The following SEZ6L variants were observed in gnomAD, a reference collection of about 807,000 sequenced individuals.
SEZ6L encodes the protein seizure 6-like protein.
In SEZ6L, 37 loss-of-function variants were observed where a neutral mutation model predicts 106.2. The observed-to-expected ratio is 0.35, with a 90% CI of 0.27 to 0.46. The LOEUF (loss-of-function observed/expected upper bound fraction) is 0.46, where lower values mean the gene tolerates loss of function less well. Among genes scored for constraint, SEZ6L ranks in the 20% least tolerant of loss-of-function variants. The probability of loss-of-function intolerance (pLI) is 1.00; values close to 1 mark genes in which losing one functional copy is unlikely to be tolerated. For missense variants in SEZ6L, 1,172 were observed against 1,332.8 expected (o/e 0.88, Z 1.88); for synonymous variants, 541 against 570.4 (o/e 0.95, Z 0.73).
At chr22:26,294,039 A>T (rs1365344449) in intron 2 of SEZ6L, among the ~76,000 whole-genome samples, 1 of 152,192 alleles carries the variant, frequency 6.6e-6, no homozygotes, top group Non-Finnish European at 1.5e-5. Flanking sequence ...ATCAGTCCCT[A>T]TGAGAATAAG....
chr22:26,373,902 T>C (rs2084127866), intron 14 of SEZ6L, among the ~76,000 whole-genome samples: 1 of 152,208 alleles, frequency 6.6e-6, no homozygotes, highest in Non-Finnish European at 1.5e-5. Flanking sequence ...TGGTCCATTT[T>C]TCCCTGAGTC....
intron 1 of SEZ6L, among the ~76,000 whole-genome samples, chr22:26,242,274 T>C (rs1325568610): frequency 6.6e-6 from 1 of 152,240 alleles, no homozygotes; most frequent in Non-Finnish European, 1.5e-5. Flanking sequence ...GGCTGCTTCC[T>C]GAGATGCTCC....
At chr22:26,232,300 A>T (rs2078821864) in intron 1 of SEZ6L, among the ~76,000 whole-genome samples, 1 of 149,064 alleles carries the variant, frequency 6.7e-6, no homozygotes, top group South Asian at 2.1e-4. Flanking sequence ...AACTCTGAGG[A>T]CCCTCCTGCC....
rs67141647 is a variant in SEZ6L at position 26,240,067 on chromosome 22, G to GACAC, written c.95-52318_95-52315dup. Among the ~76,000 whole-genome samples, 573 of 136,006 alleles carry GACAC rather than the reference G, an allele frequency of 4.2e-3. 1 individual carries two copies. The highest frequency in any genetic ancestry group is 0.015 in the South Asian group (61 of 4,020). 89.2% of individuals were successfully genotyped at this position (136,006 alleles called of 152,430 possible). A position where few individuals can be genotyped will look rare whatever the true frequency, so the allele number is the denominator to read the frequency against. On this transcript the variant is annotated intron_variant, in intron 1 of 16. Coordinates refer to ENST00000248933, the MANE Select transcript of SEZ6L (RefSeq NM_021115.5). ...CTCAACACACACATACACACATACA[G>GACAC]ACACACACACACACACACACACACT...
chr22:26,217,034 A>AC (rs1014293162), intron 1 of SEZ6L, among the ~76,000 whole-genome samples: 4 of 152,178 alleles, frequency 2.6e-5, no homozygotes, highest in Admixed American at 6.5e-5. Context: ...TGGGATTTGA[A>AC]CCCAGGACTT....
chr22:26,202,804 C>A (rs1049948769), intron 1 of SEZ6L, among the ~76,000 whole-genome samples: 5 of 152,178 alleles, frequency 3.3e-5, no homozygotes, highest in Non-Finnish European at 4.4e-5. Context: ...TCTCCACTAA[C>A]TGTAGTATCG....
intron 3 of SEZ6L, 53 bp downstream of exon 3, chr22:26,294,478 A>C: frequency 2.5e-6 from 4 of 1,578,988 alleles, no homozygotes; most frequent in Non-Finnish European, 3.5e-6. Flanking sequence ...AGGAAGTCTC[A>C]GGAGGATTGT....
chr22:26,289,667 C>T (rs937859271), intron 1 of SEZ6L, among the ~76,000 whole-genome samples: 4 of 152,218 alleles, frequency 2.6e-5, no homozygotes, highest in African/African-American at 9.6e-5. Context: ...ATCAATGTTA[C>T]ACAACAGGAA....
At chr22:26,190,983 A>G (rs561217851) in intron 1 of SEZ6L, among the ~76,000 whole-genome samples, 1 of 152,280 alleles carries the variant, frequency 6.6e-6, no homozygotes, top group East Asian at 1.9e-4. Flanking sequence ...TTACTACCTT[A>G]CCTTCTGCAG....
intron 1 of SEZ6L, among the ~76,000 whole-genome samples, chr22:26,277,549 T>G (rs924988675): frequency 6.6e-6 from 1 of 152,254 alleles, no homozygotes; most frequent in African/African-American, 2.4e-5. Context: ...GTTGCCTTCA[T>G]GTTCTTTGCT....
At chr22:26,237,059 T>C (rs1301819503) in intron 1 of SEZ6L, among the ~76,000 whole-genome samples, 1 of 152,200 alleles carries the variant, frequency 6.6e-6, no homozygotes, top group Non-Finnish European at 1.5e-5. Flanking sequence ...GGCAGTGGGA[T>C]GTTGAGTCAC....
At chr22:26,274,291 G>T (rs761971800) in intron 1 of SEZ6L, among the ~76,000 whole-genome samples, 19 of 151,984 alleles carry the variant, frequency 1.3e-4, no homozygotes, top group Non-Finnish European at 2.2e-4. Context: ...CTTGAATATA[G>T]GACCATGGAT....
rs2084381264 is a variant in SEZ6L at position 26,380,523 on chromosome 22, T to G, written c.*228T>G. ...CCTCAGCCAAATTCATGTTACAGCC[T>G]CAATTCTGAAGGCAGGTGGAAGACT... On this transcript the variant is annotated 3_prime_UTR_variant, in exon 17 of 17. Transcript: ENST00000248933. 2 of 431,808 alleles carry G rather than the reference T, an allele frequency of 4.6e-6. No individual in the cohort carries two copies. Among genetic ancestry groups the G allele is most frequent in the African/African-American group, 4.0e-5 (2 of 50,630 alleles). The allele number at this position is 431,808 out of a possible 1,614,324, so 26.7% of individuals were successfully genotyped here. A position where few individuals can be genotyped will look rare whatever the true frequency, so the allele number is the denominator to read the frequency against.
intron 9 of SEZ6L, among the ~76,000 whole-genome samples, chr22:26,324,414 C>T (rs1421666019): frequency 6.6e-6 from 1 of 152,164 alleles, no homozygotes; most frequent in Non-Finnish European, 1.5e-5. Context: ...CAGAACAGTC[C>T]TCTTCAGCTG....
chr22:26,360,319 C>T (rs552985597), intron 12 of SEZ6L, among the ~76,000 whole-genome samples: 1 of 152,290 alleles, frequency 6.6e-6, no homozygotes, highest in East Asian at 1.9e-4. Context: ...ATGCACCTTC[C>T]ATCTCCCCAG....
chr22:26,327,350 CATGCCACACAT>C (rs2082342302), intron 9 of SEZ6L, among the ~76,000 whole-genome samples: 1 of 47,946 alleles, frequency 2.1e-5, no homozygotes, highest in Non-Finnish European at 4.6e-5. Context: ...ACACCACACA[CATGCCACACAT>C]GCCACACCAC....
At chr22:26,345,017 A>AG (rs1344088285) in intron 10 of SEZ6L, among the ~76,000 whole-genome samples, 3 of 152,190 alleles carry the variant, frequency 2.0e-5, no homozygotes, top group Admixed American at 6.5e-5. Context: ...GCCTCCACTT[A>AG]GGGTGCTTGG....
At chr22:26,312,020 GA>G in intron 8 of SEZ6L, 58 bp downstream of exon 8, 1 of 1,538,968 alleles carries the variant, frequency 6.5e-7, no homozygotes, top group African/African-American at 1.4e-5. Context: ...CCCTTTGGAT[GA>G]GAAGACCAAG....
chr22:26,303,523 C>T (rs747648974), intron 5 of SEZ6L, among the ~76,000 whole-genome samples: 3 of 152,166 alleles, frequency 2.0e-5, no homozygotes, highest in Admixed American at 1.3e-4. Context: ...GTAGTGACTT[C>T]GATAAGAGAT....
Sources: gnomAD v4.1 joint callset for allele counts (sites outside exome capture counted in the v4.1 genomes callset) on GRCh38, gnomAD v4.1.1 for gene constraint, MANE v1.5 for transcripts, NCBI Gene and HGNC (gene_info 2026-07-23, HGNC 2026-07-21) for gene names.